The following UBR2 variants were observed in gnomAD, a reference collection of about 807,000 sequenced individuals.
The protein encoded by UBR2 is E3 ubiquitin-protein ligase UBR2.
In UBR2, 92 loss-of-function variants were observed where a neutral mutation model predicts 247.9. That is an observed-to-expected ratio of 0.37 (90% confidence interval 0.31 to 0.44). The LOEUF (loss-of-function observed/expected upper bound fraction) is 0.44, where lower values mean the gene tolerates loss of function less well. Ranked by LOEUF, UBR2 falls within the 20% of genes least tolerant of loss-of-function variation. UBR2 has a pLI of 1.00. For missense variants in UBR2, 1,613 were observed against 2,112.6 expected (o/e 0.76, Z 4.64); for synonymous variants, 672 against 693.5 (o/e 0.97, Z 0.49).
rs761703553 is a variant in UBR2 at position 42,652,572 on chromosome 6, G to A, written c.2696G>A (p.Cys899Tyr). Residue 899 changes from cysteine (C) to tyrosine (Y), a missense_variant, in exon 25 of 47, where the codon TGC becomes TAC. Transcript: ENST00000372901. ...VNILQSDVML[C>Y]IMGTILQWAV... Reference sequence around the variant, plus strand: ...ATTTTGCAGTCAGATGTCATGTTGTGCATCATGGGAACAATTCTGCAATGG... The same window carrying A: ...ATTTTGCAGTCAGATGTCATGTTGTACATCATGGGAACAATTCTGCAATGG... 3 of 1,613,846 alleles carry A rather than the reference G, an allele frequency of 1.9e-6. No individual in the cohort carries two copies. The highest frequency in any genetic ancestry group is 1.1e-5 in the South Asian group (1 of 90,952).
intron 2 of UBR2, among the ~76,000 whole-genome samples, chr6:42,577,533 G>T (rs1176524369): frequency 1.4e-5 from 2 of 146,632 alleles, no homozygotes; most frequent in Non-Finnish European, 2.9e-5. Flanking sequence ...AATAGAAATG[G>T]TTTTACAGTG....
intron 38 of UBR2, among the ~76,000 whole-genome samples, chr6:42,674,544 T>G (rs1308371881): frequency 6.6e-6 from 1 of 152,076 alleles, no homozygotes; most frequent in African/African-American, 2.4e-5. Context: ...CCAGATCACT[T>G]GAGGTCAGGA....
intron 28 of UBR2, 30 bp downstream of exon 28, chr6:42,658,350 A>T: frequency 6.4e-7 from 1 of 1,574,672 alleles, no homozygotes; most frequent in South Asian, 1.2e-5. Flanking sequence ...TGATAATACT[A>T]AAAAATTACA....
At chr6:42,564,959 T>C (rs1790692875) in intron 1 of UBR2, among the ~76,000 whole-genome samples, 1 of 152,172 alleles carries the variant, frequency 6.6e-6, no homozygotes, top group Admixed American at 6.5e-5. Context: ...GTTTGATTAG[T>C]TGACAACGTT....
At chr6:42,589,408 G>T (rs1218243957) in intron 2 of UBR2, among the ~76,000 whole-genome samples, 1 of 152,156 alleles carries the variant, frequency 6.6e-6, no homozygotes, top group African/African-American at 2.4e-5. Flanking sequence ...TTTATACGTT[G>T]TTGGATTCAA....
chr6:42,631,185 A>G (rs2151949939), intron 11 of UBR2, among the ~76,000 whole-genome samples: 1 of 152,316 alleles, frequency 6.6e-6, no homozygotes, highest in Non-Finnish European at 1.5e-5. Flanking sequence ...GTTGTCACCC[A>G]GCATCAATAA....
chr6:42,663,631 T>TA (rs1447784111), intron 32 of UBR2, among the ~76,000 whole-genome samples: 1 of 152,230 alleles, frequency 6.6e-6, no homozygotes, highest in Non-Finnish European at 1.5e-5. Flanking sequence ...TCTAAGCTAT[T>TA]AAATTCCTAT....
At chr6:42,585,107 A>G (rs1363427209) in intron 2 of UBR2, among the ~76,000 whole-genome samples, 1 of 152,156 alleles carries the variant, frequency 6.6e-6, no homozygotes, top group East Asian at 1.9e-4. Flanking sequence ...TATCTCATTG[A>G]GGAAGTTCCC....
At position 42,603,718 on chromosome 6, in the gene UBR2, T is replaced by C. The variant is rs143672999; in HGVS notation, c.662T>C (p.Val221Ala). Residue 221 changes from valine to alanine, a missense_variant and splice_region_variant, in exon 5 of 47, where the codon GTA becomes GCA. Val to Ala is a moderately conservative substitution (Grantham distance 64). Transcript: ENST00000372901. ...GAATTGCCAGCAGATTTAGAGATGG[T>C]GTAAGTATAACCTGTTTATTCTTCA... is the stretch of plus-strand genomic sequence containing the variant. ...ESELPADLEMVEKSDTYYCML... is the reference protein window; with the variant it reads ...ESELPADLEMAEKSDTYYCML... 187 of 1,598,082 alleles carry C rather than the reference T, an allele frequency of 1.2e-4. No homozygotes were observed. The African/African-American group carries it at 2.4e-3, about 21-fold the overall frequency.
intron 2 of UBR2, among the ~76,000 whole-genome samples, chr6:42,575,809 A>G (rs1045464636): frequency 3.3e-5 from 5 of 152,154 alleles, no homozygotes; most frequent in Admixed American, 3.3e-4. Context: ...CTTTTCCCCT[A>G]TGTGATCAAT....
At chr6:42,611,006 C>T (rs748174480) in intron 7 of UBR2, among the ~76,000 whole-genome samples, 6 of 151,336 alleles carry the variant, frequency 4.0e-5, no homozygotes, top group Admixed American at 6.6e-5. Context: ...CCACCACGCT[C>T]GGCTAATTTT....
At position 42,629,178 on chromosome 6, in the gene UBR2, G is replaced by A. The variant is rs374997903; in HGVS notation, c.1282-3374G>A. Among the ~76,000 whole-genome samples, 41 of 151,890 alleles carry A rather than the reference G, an allele frequency of 2.7e-4. No individual in the cohort carries two copies. In the East Asian group the frequency reaches 6.1e-3, roughly 22 times the overall value. ...ATTATAGGTGCCCGCCACCATGCCC[G>A]GGTAATTTTTTAATTTTTAGTAGAG... On this transcript the variant is annotated intron_variant, in intron 11 of 46. Transcript: ENST00000372901.
chr6:42,589,169 G>C (rs945897186), intron 2 of UBR2, among the ~76,000 whole-genome samples: 1 of 152,058 alleles, frequency 6.6e-6, no homozygotes, highest in Non-Finnish European at 1.5e-5. Flanking sequence ...TGGAGTCTTA[G>C]TTTGTTGCCC....
intron 26 of UBR2, 98 bp from the exon 27 acceptor site, chr6:42,657,926 T>C: frequency 1.3e-6 from 1 of 780,944 alleles, no homozygotes; most frequent in Non-Finnish European, 2.1e-6. Context: ...TTATGGGCAA[T>C]AGGTGTTATA....
At chr6:42,600,012 GT>G (rs1429333314) in intron 4 of UBR2, among the ~76,000 whole-genome samples, 1 of 152,136 alleles carries the variant, frequency 6.6e-6, no homozygotes, top group African/African-American at 2.4e-5. Flanking sequence ...TAGAAAGTCA[GT>G]TTATGAGATA....
chr6:42,625,923 C>T (rs1795316066), intron 11 of UBR2, among the ~76,000 whole-genome samples: 1 of 150,930 alleles, frequency 6.6e-6, no homozygotes, highest in African/African-American at 2.4e-5. Flanking sequence ...ACGCCATTCT[C>T]CTGCCTCAGC....
chr6:42,616,794 C>T (rs976890424), intron 10 of UBR2, among the ~76,000 whole-genome samples: 1 of 152,104 alleles, frequency 6.6e-6, no homozygotes, highest in Admixed American at 6.5e-5. Flanking sequence ...TTTCAAAATA[C>T]ATGTGTTGTG....
rs1401919522 is a variant in UBR2, at chr6:42,601,879, T to C, written c.532-1709T>C. On this transcript the variant is annotated intron_variant, in intron 4 of 46. Coordinates refer to ENST00000372901, the MANE Select transcript of UBR2 (RefSeq NM_001363705.2). ...TTTCTCCATTCTTTTTTTTTTCTTT[T>C]TTTTTTTTTTGATGGAGTTTTGCTC... Among the ~76,000 whole-genome samples, 3 of 133,962 alleles carry C rather than the reference T, an allele frequency of 2.2e-5. 1 individual carries two copies. The highest frequency in any genetic ancestry group is 4.9e-5 in the Non-Finnish European group (3 of 61,372). The allele number at this position is 133,962 out of a possible 152,430, so 87.9% of individuals were successfully genotyped here.
intron 26 of UBR2, among the ~76,000 whole-genome samples, chr6:42,656,511 C>G (rs1797448844): frequency 1.3e-5 from 2 of 152,188 alleles, no homozygotes; most frequent in South Asian, 4.1e-4. Flanking sequence ...TCATCTTGTA[C>G]TTTCCCTGCC....
Sources: allele counts gnomAD v4.1 joint callset (sites outside exome capture counted in the v4.1 genomes callset), GRCh38; gene constraint gnomAD v4.1.1; transcripts MANE v1.5; gene names NCBI Gene and HGNC (gene_info 2026-07-23, HGNC 2026-07-21).